The following EFNB3 variants were observed in gnomAD, a reference collection of about 807,000 sequenced individuals.
EFNB3 encodes ephrin B3.
In EFNB3, 14 loss-of-function variants were observed where a neutral mutation model predicts 29.8. That is an observed-to-expected ratio of 0.47 (90% confidence interval 0.31 to 0.73). EFNB3 has a LOEUF of 0.73. Ranked by LOEUF, EFNB3 falls within the 30% of genes least tolerant of loss-of-function variation. The pLI, the probability that EFNB3 is intolerant of heterozygous loss-of-function variation, is 0.05. For synonymous variants in EFNB3, 216 were observed against 191.6 expected (o/e 1.13, Z -1.05); for missense variants, 408 against 458.0 (o/e 0.89, Z 1.00).
intron 1 of EFNB3, among the ~76,000 whole-genome samples, chr17:7,706,736 G>T (rs2074328896): frequency 6.6e-6 from 1 of 152,184 alleles, no homozygotes; most frequent in Admixed American, 6.6e-5. Flanking sequence ...ACCTTTCTGA[G>T]TTTGTATCCT....
At chr17:7,706,788 G>C (rs540511008) in intron 1 of EFNB3, among the ~76,000 whole-genome samples, 1 of 152,292 alleles carries the variant, frequency 6.6e-6, no homozygotes, top group African/African-American at 2.4e-5. Flanking sequence ...TAAGGTGTTT[G>C]AATGTATTAT....
rs774475041 is a variant in EFNB3, at chr17:7,709,133, C to G, written c.614-34C>G. The G allele has an allele frequency of 1.3e-6, 2 of 1,586,700 alleles. No individual in the cohort carries two copies. Among genetic ancestry groups the G allele is most frequent in the Non-Finnish European group, 1.7e-6 (2 of 1,174,006 alleles). On this transcript the variant is annotated intron_variant, in intron 4 of 4. Transcript: ENST00000226091. This position sits in a 1 kb window ranked among gnomAD's most constrained non-coding sequence, Gnocchi z 4.5. ...TGCCCAGGTGGCTCCTTCAGTCCCT[C>G]CCCCTCTTTCCTCCTTCACCCCTTC...
At position 7,709,564 on chromosome 17, in the gene EFNB3, C is replaced by T. The variant is rs1337528235; in HGVS notation, c.1011C>T (p.Tyr337=). Residue 337 remains tyrosine (Y), a synonymous_variant, in exon 5 of 5, where the codon TAC becomes TAT. Transcript: ENST00000226091. The surrounding 1 kb of genome is among the most constrained non-coding windows in gnomAD (Gnocchi z 4.5). Reference sequence around the variant, plus strand: ...CCCCCCAGAGCCCTCCAAACATCTACTACAAGGTATGAGGGCTCCTCTCAC... The same window carrying T: ...CCCCCCAGAGCCCTCCAAACATCTATTACAAGGTATGAGGGCTCCTCTCAC... ...DGPPQSPPNI[Y]YKV is the part of the protein sequence containing the mutation. 1.9e-6 allele frequency: 3 copies of T among 1,613,828 alleles called. No individual in the cohort carries two copies. Among genetic ancestry groups the T allele is most frequent in the Non-Finnish European group, 2.5e-6 (3 of 1,179,940 alleles).
chr17:7,706,261 T>G (rs1231099057), intron 1 of EFNB3, among the ~76,000 whole-genome samples: 1 of 151,504 alleles, frequency 6.6e-6, no homozygotes, highest in Non-Finnish European at 1.5e-5. Flanking sequence ...AGCCAGAGGG[T>G]CAGTGAACTG....
In EFNB3 at chr17:7,708,506, G is replaced by T. The variant is rs148638744; in HGVS notation, c.487G>T (p.Val163Leu). ...GGVCLTRGMK[V>L]LLRVGQSPRG... is the part of the protein sequence containing the mutation. ...TGTGTGCCTAACCAGAGGCATGAAG[G>T]TGCTTCTCCGAGTGGGACAAAGTGA... The change falls in exon 3 of 5, where the codon GTG becomes TTG. Residue 163 changes from valine (V) to leucine (L), a missense_variant. Val to Leu is a conservative substitution (Grantham distance 32, BLOSUM62 1). This residue lies in a region of EFNB3 where 47 missense variants were observed against 86.6 expected (regional missense o/e 0.54). Coordinates refer to ENST00000226091, the MANE Select transcript of EFNB3 (RefSeq NM_001406.4). The surrounding 1 kb of genome is among the most constrained non-coding windows in gnomAD (Gnocchi z 6.8). 3.7e-6 allele frequency: 6 copies of T among 1,613,846 alleles called. No individual in the cohort carries two copies. The African/African-American group carries it at 5.3e-5, about 14-fold the overall frequency.
At position 7,710,844 on chromosome 17, in the gene EFNB3, T is replaced by A. The variant is rs2074347278; in HGVS notation, c.*1268T>A. On this transcript the variant is annotated 3_prime_UTR_variant, in exon 5 of 5. Transcript: ENST00000226091. ...TTCCATATCCCAGTATAATCTCTGT[T>A]AATCAACAGGACTACCCCAAGAACC... is the stretch of plus-strand genomic sequence containing the variant. 6.5e-6 allele frequency: 1 copy of A among 152,694 alleles called. No individual in the cohort carries two copies. Among genetic ancestry groups the A allele is most frequent in the African/African-American group, 2.4e-5 (1 of 41,456 alleles). The allele number at this position is 152,694 out of a possible 1,614,324, so 9.5% of individuals were successfully genotyped here.
rs773179546 is a variant in EFNB3, at chr17:7,705,610, C to T, written c.12C>T (p.Pro4=). Residue 4 remains proline (P), a synonymous_variant, in exon 1 of 5, where the codon CCC becomes CCT. Coordinates refer to ENST00000226091, the MANE Select transcript of EFNB3 (RefSeq NM_001406.4). The surrounding 1 kb of genome is among the most constrained non-coding windows in gnomAD (Gnocchi z 5.4). ...GCCTTGGCGGGGTCATGGGGCCCCC[C>T]CATTCTGGGCCGGGGGGCGTGCGAG... MGP[P]HSGPGGVRVG... The T allele has an allele frequency of 2.7e-6, 4 of 1,490,856 alleles. No homozygotes were observed. The Admixed American group carries it at 8.0e-5, about 30-fold the overall frequency. The allele number at this position is 1,490,856 out of a possible 1,614,324, so 92.4% of individuals were successfully genotyped here.
rs768412208 is a variant in EFNB3 at position 7,709,463 on chromosome 17, G to C, written c.910G>C (p.Asp304His). ...GIALRGGGAA[D>H]PPFCPHYEKV... ...AGCTCTGCGGGGTGGCGGGGCTGCA[G>C]ATCCCCCCTTCTGCCCCCACTATGA... The change falls in exon 5 of 5, where the codon GAT (aspartate) becomes CAT (histidine). Residue 304 changes from aspartate to histidine, a missense_variant. Transcript: ENST00000226091. The surrounding 1 kb of genome is among the most constrained non-coding windows in gnomAD (Gnocchi z 4.5). The C allele has an allele frequency of 6.2e-7, 1 of 1,613,780 alleles. No homozygotes were observed. Among genetic ancestry groups the C allele is most frequent in the Non-Finnish European group, 8.5e-7 (1 of 1,179,818 alleles).
rs1181470151 is a variant in EFNB3 at position 7,708,279 on chromosome 17, TG to T, written c.415+35del. The T allele has an allele frequency of 9.4e-6, 15 of 1,602,690 alleles. No homozygotes were observed. The highest frequency in any genetic ancestry group is 2.2e-5 in the South Asian group (2 of 90,202). The stretch of plus-strand genomic sequence containing the variant: ...CTGCTGGGCAGAGGGCACGATTGAG[TG>T]GGGGGCTCCTGATACTGAGCAGAGA... On this transcript the variant is annotated intron_variant, in intron 2 of 4. Coordinates refer to ENST00000226091, the MANE Select transcript of EFNB3 (RefSeq NM_001406.4). This position sits in a 1 kb window ranked among gnomAD's most constrained non-coding sequence, Gnocchi z 6.8.
rs1038324166 is a variant in EFNB3 at position 7,709,027 on chromosome 17, G to A, written c.614-140G>A. ...ACCTGGATTCTGAGCAGAGTTCGGA[G>A]GGGGAGGAGAGATGGGGTCCCCAAG... On this transcript the variant is annotated intron_variant, in intron 4 of 4. Transcript: ENST00000226091. The surrounding 1 kb of genome is among the most constrained non-coding windows in gnomAD (Gnocchi z 4.5). 3 of 879,786 alleles carry A rather than the reference G, an allele frequency of 3.4e-6. No homozygotes were observed. The highest frequency in any genetic ancestry group is 2.5e-5 in the Admixed American group (1 of 40,228). 54.5% of individuals were successfully genotyped at this position (879,786 alleles called of 1,614,324 possible).
rs372197925 is a variant in EFNB3, at chr17:7,709,089, C to T, written c.614-78C>T. 83 of 1,455,568 alleles carry T rather than the reference C, an allele frequency of 5.7e-5. 1 individual carries two copies. In the African/African-American group the frequency reaches 1.0e-3, roughly 18 times the overall value. The allele number at this position is 1,455,568 out of a possible 1,614,324, so 90.2% of individuals were successfully genotyped here. A position where few individuals can be genotyped will look rare whatever the true frequency, so the allele number is the denominator to read the frequency against. On this transcript the variant is annotated intron_variant, in intron 4 of 4. Coordinates refer to ENST00000226091, the MANE Select transcript of EFNB3 (RefSeq NM_001406.4). The surrounding 1 kb of genome is among the most constrained non-coding windows in gnomAD (Gnocchi z 4.5). ...CTACAAGGGAAGCCCATGGGGACCC[C>T]CAGGGTTGGGTGTCCAGGTGCCCAG...
rs1045974281 is a variant in EFNB3, at chr17:7,708,021, C to T, written c.186C>T (p.Cys62=). Reference sequence around the variant, plus strand: ...TCGGGGACCGGCTAGACCTGCTCTGCCCCCGGGCCCGGCCTCCTGGCCCTC... The same window carrying T: ...TCGGGGACCGGCTAGACCTGCTCTGTCCCCGGGCCCGGCCTCCTGGCCCTC... The part of the protein sequence containing the change: ...PQIGDRLDLL[C]PRARPPGPHS... Residue 62 remains cysteine (C), a synonymous_variant, in exon 2 of 5, where the codon TGC becomes TGT. Transcript: ENST00000226091. The surrounding 1 kb of genome is among the most constrained non-coding windows in gnomAD (Gnocchi z 6.8). 27 of 1,613,922 alleles carry T rather than the reference C, an allele frequency of 1.7e-5. No homozygotes were observed. The highest frequency in any genetic ancestry group is 2.3e-5 in the Non-Finnish European group (27 of 1,179,992).
chr17:7,710,351 T>C lies in EFNB3; in HGVS notation c.*775T>C, dbSNP rs959696655. 1.3e-5 allele frequency: 2 copies of C among 152,814 alleles called. No individual in the cohort carries two copies. The highest frequency in any genetic ancestry group is 4.8e-5 in the African/African-American group (2 of 41,460). The allele number at this position is 152,814 out of a possible 1,614,324, so 9.5% of individuals were successfully genotyped here. ...TTTTGTCCAGTGGCCAATAGCAAGA[T>C]ATGAACCGGTCGGGACATGTATGGA... On this transcript the variant is annotated 3_prime_UTR_variant, in exon 5 of 5. Transcript: ENST00000226091.
chr17:7,705,665 G>A lies in EFNB3; in HGVS notation c.67G>A (p.Gly23Arg). Residue 23 changes from glycine (G) to arginine (R), a missense_variant, in exon 1 of 5, where the codon GGG (glycine) becomes AGG (arginine). This residue lies in a region of EFNB3 where 128 missense variants were observed against 140.8 expected (regional missense o/e 0.91). Coordinates refer to ENST00000226091, the MANE Select transcript of EFNB3 (RefSeq NM_001406.4). This position sits in a 1 kb window ranked among gnomAD's most constrained non-coding sequence, Gnocchi z 5.4. ...VGALLLLGVL[G>R]LVSGLSLEPV... ...GGCCCTGCTGCTGCTGGGGGTTTTGGGGCTGGTGTCTGGGCTCAGCCTGGA... is the reference window on the plus strand; with the variant it reads ...GGCCCTGCTGCTGCTGGGGGTTTTGAGGCTGGTGTCTGGGCTCAGCCTGGA... 2 of 1,531,112 alleles carry A rather than the reference G, an allele frequency of 1.3e-6. No individual in the cohort carries two copies. The highest frequency in any genetic ancestry group is 1.7e-6 in the Non-Finnish European group (2 of 1,151,660). The allele number at this position is 1,531,112 out of a possible 1,614,324, so 94.8% of individuals were successfully genotyped here. A position where few individuals can be genotyped will look rare whatever the true frequency, so the allele number is the denominator to read the frequency against.
At position 7,709,622 on chromosome 17, in the gene EFNB3, G is replaced by A. The variant is rs376721844; in HGVS notation, c.*46G>A. On this transcript the variant is annotated 3_prime_UTR_variant, in exon 5 of 5. Transcript: ENST00000226091. The surrounding 1 kb of genome is among the most constrained non-coding windows in gnomAD (Gnocchi z 4.5). Reference sequence around the variant, plus strand: ...TCCTGAATCCAGCCCTTCTTGGGGTGCTCCTCCAGTTTAATTCCTGGTTTG... The same window carrying A: ...TCCTGAATCCAGCCCTTCTTGGGGTACTCCTCCAGTTTAATTCCTGGTTTG... 7.4e-6 allele frequency: 12 copies of A among 1,611,306 alleles called. No homozygotes were observed. The highest frequency in any genetic ancestry group is 2.2e-5 in the South Asian group (2 of 90,846).
At position 7,705,339 on chromosome 17, in the gene EFNB3, G is replaced by A; in HGVS notation, c.-260G>A. The A allele has an allele frequency of 3.4e-6, 1 of 294,032 alleles. No homozygotes were observed. The highest frequency in any genetic ancestry group is 6.3e-6 in the Non-Finnish European group (1 of 159,434). The allele number at this position is 294,032 out of a possible 1,614,324, so 18.2% of individuals were successfully genotyped here. A position where few individuals can be genotyped will look rare whatever the true frequency, so the allele number is the denominator to read the frequency against. Reference sequence around the variant, plus strand: ...GGCTCCCCCAGTCCCCCACTTAGGCGGGCTCACAGATCCCGGGGTGCTGGC... The same window carrying A: ...GGCTCCCCCAGTCCCCCACTTAGGCAGGCTCACAGATCCCGGGGTGCTGGC... On this transcript the variant is annotated 5_prime_UTR_variant, in exon 1 of 5. Transcript: ENST00000226091. The surrounding 1 kb of genome is among the most constrained non-coding windows in gnomAD (Gnocchi z 5.4).
rs536550806 is a variant in EFNB3, at chr17:7,709,717, G to A, written c.*141G>A. On this transcript the variant is annotated 3_prime_UTR_variant, in exon 5 of 5. Transcript: ENST00000226091. The surrounding 1 kb of genome is among the most constrained non-coding windows in gnomAD (Gnocchi z 4.5). ...TTCACTCCTCCCGGCTGCTGTCCTC[G>A]TCTCCACTTTTAGGATTCCTTAGGA... 1.6e-4 allele frequency: 137 copies of A among 865,044 alleles called. No individual in the cohort carries two copies. Among genetic ancestry groups the A allele is most frequent in the African/African-American group, 1.2e-3 (72 of 58,910 alleles). The allele number at this position is 865,044 out of a possible 1,614,324, so 53.6% of individuals were successfully genotyped here.
At position 7,705,839 on chromosome 17, in the gene EFNB3, C is replaced by T; in HGVS notation, c.122+119C>T. Reference sequence around the variant, plus strand: ...AGGCGGGAGGGAAGGTGCTGGTGCTCTGATGTGTGATGGGTTACTAGACAG... The same window carrying T: ...AGGCGGGAGGGAAGGTGCTGGTGCTTTGATGTGTGATGGGTTACTAGACAG... On this transcript the variant is annotated intron_variant, in intron 1 of 4. Coordinates refer to ENST00000226091, the MANE Select transcript of EFNB3 (RefSeq NM_001406.4). This position sits in a 1 kb window ranked among gnomAD's most constrained non-coding sequence, Gnocchi z 5.4. 1 of 1,257,574 alleles carries T rather than the reference C, an allele frequency of 8.0e-7. No homozygotes were observed. The highest frequency in any genetic ancestry group is 1.1e-6 in the Non-Finnish European group (1 of 930,654). 77.9% of individuals were successfully genotyped at this position (1,257,574 alleles called of 1,614,324 possible).
Position 7,705,671 on chromosome 17 carries a change from G to A in EFNB3, c.73G>A (p.Val25Met). 2.6e-6 allele frequency: 4 copies of A among 1,534,728 alleles called. No homozygotes were observed. Among genetic ancestry groups the A allele is most frequent in the Non-Finnish European group, 3.5e-6 (4 of 1,152,548 alleles). The change falls in exon 1 of 5, where the codon GTG becomes ATG. Residue 25 changes from valine (V) to methionine (M), a missense_variant. This residue lies in a region of EFNB3 where 128 missense variants were observed against 140.8 expected (regional missense o/e 0.91). Transcript: ENST00000226091. This position sits in a 1 kb window ranked among gnomAD's most constrained non-coding sequence, Gnocchi z 5.4. ...GCTGCTGCTGGGGGTTTTGGGGCTG[G>A]TGTCTGGGCTCAGCCTGGAGCCTGT... ...ALLLLGVLGL[V>M]SGLSLEPVYW...
Sources: allele counts gnomAD v4.1 joint callset (sites outside exome capture counted in the v4.1 genomes callset), GRCh38; gene constraint gnomAD v4.1.1; regional missense constraint gnomAD v4.1.1; non-coding constraint Gnocchi (gnomAD v3.1); transcripts MANE v1.5; gene names NCBI Gene and HGNC (gene_info 2026-07-23, HGNC 2026-07-21).